Variants in SORL1 observed in about 807,000 individuals in gnomAD.
SORL1 encodes sortilin related receptor 1, also known as sortilin-related receptor.
A neutral mutation model predicts 273.7 loss-of-function variants in SORL1; 127 were observed. That is an observed-to-expected ratio of 0.46 (90% CI 0.40 to 0.54). The LOEUF (loss-of-function observed/expected upper bound fraction) is 0.54, where lower values mean the gene tolerates loss of function less well. Ranked by LOEUF, SORL1 falls within the 20% of genes least tolerant of loss-of-function variation. The pLI is 0.00. For synonymous variants in SORL1, 1,031 were observed against 1,067.4 expected (o/e 0.97, Z 0.66); for missense variants, 2,494 against 2,846.1 (o/e 0.88, Z 2.81).
chr11:121,574,352 A>T lies in SORL1; in HGVS notation c.3449A>T (p.Glu1150Val). 1.2e-6 allele frequency: 2 copies of T among 1,613,420 alleles called. No individual in the cohort carries two copies. The highest frequency in any genetic ancestry group is 1.7e-6 in the Non-Finnish European group (2 of 1,179,412). Residue 1150 changes from glutamate (E) to valine (V), a missense_variant, in exon 24 of 48, where the codon GAA (glutamate) becomes GTA (valine). This residue lies in a region of SORL1 where 1,609 missense variants were observed against 1,816.4 expected (regional missense o/e 0.89). Coordinates refer to ENST00000260197, the MANE Select transcript of SORL1 (RefSeq NM_003105.6). ...GATGACTGTGGAGACAACAGTGATG[A>T]AAGTCATTGTGGTAAGGGGACATCA... ...LEDDCGDNSD[E>V]SHCEMHQCRS...
intron 14 of SORL1, among the ~76,000 whole-genome samples, chr11:121,547,972 G>A (rs1862458495): frequency 6.6e-6 from 1 of 152,102 alleles, no homozygotes; most frequent in Admixed American, 6.5e-5. Context: ...CCAGCTATTG[G>A]CCCATGTTTC....
In SORL1 at chr11:121,590,550, A is replaced by T. The variant is rs904394829; in HGVS notation, c.4213+376A>T. The T allele has an allele frequency of 9.2e-5, 50 of 545,356 alleles. 1 individual carries two copies. In the East Asian group the frequency reaches 1.6e-3, roughly 18 times the overall value. The allele number at this position is 545,356 out of a possible 1,614,324, so 33.8% of individuals were successfully genotyped here. A position where few individuals can be genotyped will look rare whatever the true frequency, so the allele number is the denominator to read the frequency against. On this transcript the variant is annotated intron_variant, in intron 30 of 47. Coordinates refer to ENST00000260197, the MANE Select transcript of SORL1 (RefSeq NM_003105.6). Reference sequence around the variant, plus strand: ...TAAGCCCCCAGGTCCTGTGTGCTCCACAATGCATTTGAGGAGCACTCATGT... The same window carrying T: ...TAAGCCCCCAGGTCCTGTGTGCTCCTCAATGCATTTGAGGAGCACTCATGT...
chr11:121,575,189 T>A (rs1200157099), intron 24 of SORL1, among the ~76,000 whole-genome samples: 2 of 152,346 alleles, frequency 1.3e-5, no homozygotes, highest in South Asian at 2.1e-4. Flanking sequence ...ACAATTAGTT[T>A]GTGTCAGAAT....
rs1328055258 is a variant in SORL1 at position 121,595,563 on chromosome 11, GCTGTTA to G, written c.4370-59_4370-54del. 13 of 1,407,714 alleles carry G rather than the reference GCTGTTA, an allele frequency of 9.2e-6. No homozygotes were observed. In the African/African-American group the frequency reaches 1.6e-4, roughly 17 times the overall value. 87.2% of individuals were successfully genotyped at this position (1,407,714 alleles called of 1,614,324 possible). Reference sequence around the variant, plus strand: ...TAATCTCCTAGCATATTGATTGGTTGCTGTTATTGGCCAGCTCCCTCAATATTAAAA... The same window carrying G: ...TAATCTCCTAGCATATTGATTGGTTGTTGGCCAGCTCCCTCAATATTAAAA... On this transcript the variant is annotated intron_variant, in intron 31 of 47. Transcript: ENST00000260197. The surrounding 1 kb of genome is among the most constrained non-coding windows in gnomAD (Gnocchi z 5.1).
intron 12 of SORL1, among the ~76,000 whole-genome samples, chr11:121,537,344 A>G (rs992613087): frequency 2.0e-5 from 3 of 152,124 alleles, no homozygotes; most frequent in African/African-American, 7.2e-5. Flanking sequence ...AATGGAGAGG[A>G]TGGATTCAGT....
intron 22 of SORL1, 116 bp downstream of exon 22, chr11:121,567,229 C>A: frequency 1.1e-6 from 1 of 935,118 alleles, no homozygotes; most frequent in Non-Finnish European, 1.6e-6. Context: ...TGGAAAAAGT[C>A]CAAGGTAAAA....
intron 18 of SORL1, among the ~76,000 whole-genome samples, chr11:121,556,576 C>A (rs967220378): frequency 6.6e-6 from 1 of 152,152 alleles, no homozygotes; most frequent in Non-Finnish European, 1.5e-5. Flanking sequence ...GCACAAGCAC[C>A]CACCTTTTCA....
intron 12 of SORL1, among the ~76,000 whole-genome samples, chr11:121,538,683 T>G (rs140225241): frequency 6.6e-6 from 1 of 152,074 alleles, no homozygotes; most frequent in African/African-American, 2.4e-5. Context: ...TTTTTGGCAT[T>G]TATTTATTTT....
At position 121,593,154 on chromosome 11, in the gene SORL1, A is replaced by G. The variant is rs148646854; in HGVS notation, c.4369+1998A>G. On this transcript the variant is annotated intron_variant, in intron 31 of 47. Transcript: ENST00000260197. ...CCCTCTGATGCCTCCCTTATTGTCC[A>G]GGGCATGATTTGCCTTGGCCTGGCA... Among the ~76,000 whole-genome samples, 506 of 152,218 alleles carry G rather than the reference A, an allele frequency of 3.3e-3. 11 individuals carry two copies. The highest frequency in any genetic ancestry group is 0.028 in the East Asian group (143 of 5,186).
At chr11:121,462,457 C>T (rs1229641137) in intron 1 of SORL1, among the ~76,000 whole-genome samples, 1 of 152,176 alleles carries the variant, frequency 6.6e-6, no homozygotes, top group Non-Finnish European at 1.5e-5. Flanking sequence ...ACTCTCTCCC[C>T]GATATGAGGT....
At chr11:121,500,344 TA>T in intron 6 of SORL1, among the ~76,000 whole-genome samples, 1 of 152,338 alleles carries the variant, frequency 6.6e-6, no homozygotes, top group South Asian at 2.1e-4. Context: ...TGTGTATCAG[TA>T]AGCAAAGACA....
In SORL1 at chr11:121,522,582, A is replaced by G; in HGVS notation, c.1405-4A>G. The G allele has an allele frequency of 2.5e-6, 4 of 1,611,516 alleles. No individual in the cohort carries two copies. Among genetic ancestry groups the G allele is most frequent in the Non-Finnish European group, 3.4e-6 (4 of 1,177,600 alleles). On this transcript the variant is annotated splice_polypyrimidine_tract_variant and splice_region_variant and intron_variant, in intron 9 of 47. Coordinates refer to ENST00000260197, the MANE Select transcript of SORL1 (RefSeq NM_003105.6). ...TGACACTGCCTGAAACTTTGGTTGT[A>G]TAGCTTTCCCAGGGCTGTTCCCTTC...
chr11:121,577,295 C>T lies in SORL1; in HGVS notation c.3475C>T (p.Arg1159Trp), dbSNP rs755000690. The T allele has an allele frequency of 4.6e-5, 74 of 1,605,130 alleles. No individual in the cohort carries two copies. The highest frequency in any genetic ancestry group is 2.2e-4 in the South Asian group (20 of 89,532). ...DESHCEMHQC[R>W]SDEYNCSSGM... ...CTCACCTGCAGAAATGCACCAGTGC[C>T]GGAGTGACGAGTACAACTGCAGTTC... Residue 1159 changes from arginine to tryptophan, a missense_variant, in exon 25 of 48, where the codon CGG becomes TGG. Physicochemically the swap from Arg to Trp is moderately radical, Grantham distance 101. Around this residue, in one of 3 missense-constraint regions of SORL1, gnomAD observed 1,609 missense variants for 1,816.4 expected, o/e 0.89. Transcript: ENST00000260197.
chr11:121,470,193 A>C, intron 2 of SORL1, 70 bp downstream of exon 2: 1 of 961,190 alleles, frequency 1.0e-6, no homozygotes, highest in South Asian at 1.3e-5. Flanking sequence ...CACTGGGATT[A>C]TCATACTGGA....
intron 2 of SORL1, among the ~76,000 whole-genome samples, chr11:121,474,410 C>T (rs1405935301): frequency 1.3e-5 from 2 of 152,144 alleles, no homozygotes; most frequent in African/African-American, 4.8e-5. Flanking sequence ...TAGAACAGTG[C>T]CAGATATGGG....
chr11:121,468,871 C>T (rs995522467), intron 1 of SORL1, among the ~76,000 whole-genome samples: 1 of 152,244 alleles, frequency 6.6e-6, no homozygotes, highest in South Asian at 2.1e-4. Context: ...GTTTTCCATA[C>T]AGTGAAACAA....
intron 8 of SORL1, among the ~76,000 whole-genome samples, chr11:121,519,372 G>T (rs762794561): frequency 1.3e-5 from 2 of 151,480 alleles, no homozygotes; most frequent in Non-Finnish European, 2.9e-5. Context: ...CAGGGTATCC[G>T]CATGGTAGAT....
In SORL1 at chr11:121,522,663, C is replaced by T. The variant is rs1289214320; in HGVS notation, c.1482C>T (p.Ile494=). The change falls in exon 10 of 48, where the codon ATC becomes ATT. Residue 494 remains isoleucine, a synonymous_variant. Coordinates refer to ENST00000260197, the MANE Select transcript of SORL1 (RefSeq NM_003105.6). ...ACCTCCAGCTCCGGAGAATGCCCAT[C>T]CTGTCCAAGGAGTCGGCTCCAGGCC... ...LLNLQLRRMP[I]LSKESAPGLI... The T allele has an allele frequency of 3.1e-6, 5 of 1,614,166 alleles. No individual in the cohort carries two copies. In the East Asian group the frequency reaches 1.1e-4, roughly 36 times the overall value.
intron 26 of SORL1, 84 bp from the exon 27 acceptor site, chr11:121,586,138 A>C (rs1863102386): frequency 2.9e-6 from 3 of 1,044,770 alleles, no homozygotes; most frequent in Non-Finnish European, 4.5e-6. Flanking sequence ...TGGTGGTACC[A>C]GTGTGTACTC....
Sources: allele counts gnomAD v4.1 joint callset (sites outside exome capture counted in the v4.1 genomes callset), GRCh38; gene constraint gnomAD v4.1.1; regional missense constraint gnomAD v4.1.1; non-coding constraint Gnocchi (gnomAD v3.1); transcripts MANE v1.5; gene names NCBI Gene and HGNC (gene_info 2026-07-23, HGNC 2026-07-21).